Variants in SVOPL observed in about 807,000 individuals in gnomAD.
SVOPL encodes the protein putative transporter SVOPL.
SVOPL carries 60 observed loss-of-function variants against 61.0 expected under a neutral mutation model. The ratio of observed to expected loss-of-function variants is 0.98; its 90% CI spans 0.80 to 1.22. The LOEUF is 1.22. SVOPL is among the 50% of genes most tolerant of loss of function. SVOPL has a pLI of 0.00. For missense variants in SVOPL, 662 were observed against 643.9 expected, an observed-to-expected ratio of 1.03 and a Z score of -0.30; for synonymous variants, 279 against 250.0, an observed-to-expected ratio of 1.12 and a Z score of -1.09.
chr7:138,615,993 T>A (rs1799282378), intron 14 of SVOPL, among the ~76,000 whole-genome samples: 1 of 146,112 alleles, frequency 6.8e-6, no homozygotes, highest in Non-Finnish European at 1.5e-5. Flanking sequence ...AATTTTTAAA[T>A]AAAATAAAAA....
chr7:138,599,167 A>AAAAAAAAAAAAACAAAAAAAAAAAAC (rs58372563), intron 14 of SVOPL, among the ~76,000 whole-genome samples: 1 of 121,810 alleles, frequency 8.2e-6, no homozygotes, highest in African/African-American at 3.2e-5. Flanking sequence ...ACCAAAAAAA[A>AAAAAAAAAAAAACAAAAAAAAAAAAC]AAGAAATACA....
At chr7:138,644,914 C>T in intron 8 of SVOPL, 69 bp from the exon 9 acceptor site, 3 of 1,589,810 alleles carry the variant, frequency 1.9e-6, no homozygotes, top group Non-Finnish European at 2.6e-6. Flanking sequence ...GCTATTATTG[C>T]TCTATACACT....
chr7:138,637,427 CATATATATATATATAGATAGATAGATAG>C (rs1227851688), intron 9 of SVOPL, among the ~76,000 whole-genome samples: 1 of 71,446 alleles, frequency 1.4e-5, no homozygotes, highest in Non-Finnish European at 2.8e-5. Flanking sequence ...GACTCCATCT[CATATATATATATATAGATAGATAGATAG>C]ATATATATAT....
intron 9 of SVOPL, among the ~76,000 whole-genome samples, chr7:138,632,952 T>C (rs949650105): frequency 3.9e-5 from 6 of 152,174 alleles, no homozygotes; most frequent in African/African-American, 1.4e-4. Flanking sequence ...GTTTACACTA[T>C]TGACAATCAG....
intron 8 of SVOPL, chr7:138,646,372 G>C (rs953742751): frequency 1.6e-5 from 3 of 189,244 alleles, no homozygotes; most frequent in East Asian, 1.3e-4. Flanking sequence ...CAGATTCATA[G>C]GTATGTGGCC....
At chr7:138,677,480 TAA>T (rs977743243) in intron 3 of SVOPL, among the ~76,000 whole-genome samples, 11 of 152,242 alleles carry the variant, frequency 7.2e-5, no homozygotes, top group Non-Finnish European at 1.6e-4. Context: ...GAAAAAGAAA[TAA>T]GTCAAATATT....
chr7:138,686,065 CA>C (rs939126323), intron 1 of SVOPL, among the ~76,000 whole-genome samples: 1 of 151,804 alleles, frequency 6.6e-6, no homozygotes, highest in African/African-American at 2.4e-5. Flanking sequence ...AAAACAGAAA[CA>C]AAAAAATCTC....
Position 138,612,805 on chromosome 7 carries a change from G to A in SVOPL, c.1353+8241C>T, listed in dbSNP as rs536245434. Among the ~76,000 whole-genome samples, 9 of 151,768 alleles carry A rather than the reference G, an allele frequency of 5.9e-5. No homozygotes were observed. In the East Asian group the frequency reaches 1.4e-3, roughly 23 times the overall value. On this transcript the variant is annotated intron_variant, in intron 14 of 15. Transcript: ENST00000674285. ...GCTGGGATTACAGGCATGAGCCACC[G>A]CGCCTGGCCAGAAATGTAAATTTTT...
intron 5 of SVOPL, 123 bp downstream of exon 5, chr7:138,662,951 T>C: frequency 2.0e-6 from 3 of 1,517,752 alleles, no homozygotes; most frequent in Admixed American, 2.2e-5. Flanking sequence ...GGGAGGGAAA[T>C]GTCTGCATTT....
chr7:138,641,919 A>T (rs1445345000), intron 9 of SVOPL, among the ~76,000 whole-genome samples: 1 of 40,584 alleles, frequency 2.5e-5, no homozygotes, highest in African/African-American at 7.1e-5. Context: ...GTATATATGT[A>T]TGTGTATACA....
chr7:138,672,698 T>C (rs929938583), intron 3 of SVOPL, among the ~76,000 whole-genome samples: 3 of 150,618 alleles, frequency 2.0e-5, no homozygotes, highest in African/African-American at 4.9e-5. Flanking sequence ...TCTCACTATG[T>C]TGCCCAGGCT....
At chr7:138,622,570 G>A (rs935094782) in intron 13 of SVOPL, among the ~76,000 whole-genome samples, 1 of 152,148 alleles carries the variant, frequency 6.6e-6, no homozygotes, top group African/African-American at 2.4e-5. Flanking sequence ...GCCTCCCAAA[G>A]TGTGGGGATT....
Position 138,678,487 on chromosome 7 carries a change from T to G in SVOPL, c.121A>C (p.Ile41Leu). Residue 41 changes from isoleucine (I) to leucine (L), a missense_variant, in exon 3 of 16, where the codon ATC (isoleucine) becomes CTC (leucine). Coordinates refer to ENST00000674285, the MANE Select transcript of SVOPL (RefSeq NM_001139456.2). ...GCAATGTGGAAACGCCCGAAGCCGATAGTCTCCACTGCATCTTCCACGGTG... is the reference window on the plus strand; with the variant it reads ...GCAATGTGGAAACGCCCGAAGCCGAGAGTCTCCACTGCATCTTCCACGGTG... ...TFTVEDAVET[I>L]GFGRFHIALF... The G allele has an allele frequency of 6.4e-7, 1 of 1,552,160 alleles. No individual in the cohort carries two copies. Among genetic ancestry groups the G allele is most frequent in the Non-Finnish European group, 8.7e-7 (1 of 1,147,092 alleles).
chr7:138,697,292 T>C (rs1473576753), intron 1 of SVOPL, among the ~76,000 whole-genome samples: 1 of 152,054 alleles, frequency 6.6e-6, no homozygotes, highest in Non-Finnish European at 1.5e-5. Context: ...ACCATAGTTT[T>C]TAAAAATTAA....
chr7:138,694,996 C>T (rs1803035752), intron 1 of SVOPL, among the ~76,000 whole-genome samples: 1 of 152,156 alleles, frequency 6.6e-6, no homozygotes, highest in Non-Finnish European at 1.5e-5. Flanking sequence ...ACCTCAGCTT[C>T]CTAAAGTGCT....
At chr7:138,681,270 A>C (rs980451999) in intron 1 of SVOPL, among the ~76,000 whole-genome samples, 1 of 148,224 alleles carries the variant, frequency 6.7e-6, no homozygotes, top group Non-Finnish European at 1.5e-5. Flanking sequence ...AAACCCAGGC[A>C]CTTTAGGTGA....
intron 14 of SVOPL, among the ~76,000 whole-genome samples, chr7:138,606,970 AC>A (rs141745586): frequency 0.31 from 46,669 of 149,498 alleles, 7,604 homozygotes; most frequent in Admixed American, 0.41. Context: ...ACAAAACAAA[AC>A]AAAAAAAGAA....
At chr7:138,609,719 T>TTGGGG (rs1554452869) in intron 14 of SVOPL, among the ~76,000 whole-genome samples, 4 of 55,002 alleles carry the variant, frequency 7.3e-5, no homozygotes, top group Admixed American at 1.7e-4. Context: ...GTTTTTTTTT[T>TTGGGG]GGGGGGGGTG....
chr7:138,678,605 AC>A (rs1802630572), intron 2 of SVOPL, 80 bp from the exon 3 acceptor site: 9 of 1,380,526 alleles, frequency 6.5e-6, no homozygotes, highest in Non-Finnish European at 8.9e-6. Flanking sequence ...CAGAAAGCCA[AC>A]CCATTATTAT....
Sources: gnomAD v4.1 joint callset for allele counts (sites outside exome capture counted in the v4.1 genomes callset) on GRCh38, gnomAD v4.1.1 for gene constraint, MANE v1.5 for transcripts, NCBI Gene and HGNC (gene_info 2026-07-23, HGNC 2026-07-21) for gene names.